Variants in AK9 observed in about 807,000 individuals in gnomAD.
AK9 encodes the protein adenylate kinase 9.
AK9 carries 191 observed loss-of-function variants against 239.6 expected under a neutral mutation model. That is an observed-to-expected ratio of 0.80 (90% confidence interval 0.71 to 0.90). The LOEUF (loss-of-function observed/expected upper bound fraction) is 0.90, where lower values mean the gene tolerates loss of function less well. Ranked by LOEUF, AK9 falls within the 40% of genes least tolerant of loss-of-function variation. The pLI, the probability that AK9 is intolerant of heterozygous loss-of-function variation, is 0.00. For synonymous variants in AK9, 689 were observed against 721.0 expected (o/e 0.96, Z 0.71); for missense variants, 1,995 against 2,214.7 (o/e 0.90, Z 1.99).
chr6:109,614,406 G>A lies in AK9; in HGVS notation c.1474C>T (p.His492Tyr). 2 of 1,551,158 alleles carry A rather than the reference G, an allele frequency of 1.3e-6. No homozygotes were observed. Among genetic ancestry groups the A allele is most frequent in the Admixed American group, 2.0e-5 (1 of 50,974 alleles). Residue 492 changes from histidine to tyrosine, a missense_variant, in exon 14 of 41, where the codon CAC (histidine) becomes TAC (tyrosine). His to Tyr is a moderately conservative substitution (Grantham distance 83). Transcript: ENST00000424296. ...EFGVFPMEATHSSIDEEGYIQ... is the reference protein window; with the variant it reads ...EFGVFPMEATYSSIDEEGYIQ... Reference sequence around the variant, plus strand: ...TTACCTTCTTCATCAATTGATGAGTGTGTTGCCTCCATTGGGAATACTCCA... The same window carrying A: ...TTACCTTCTTCATCAATTGATGAGTATGTTGCCTCCATTGGGAATACTCCA...
At chr6:109,495,541 T>A (rs1776948130) in intron 38 of AK9, 101 bp from the exon 39 acceptor site, 1 of 777,334 alleles carries the variant, frequency 1.3e-6, no homozygotes, top group Non-Finnish European at 1.9e-6. Context: ...TCACTACTTT[T>A]TCTGCACTGG....
At chr6:109,579,213 G>A in intron 20 of AK9, 1 of 186,032 alleles carries the variant, frequency 5.4e-6, no homozygotes, top group Non-Finnish European at 1.1e-5. Flanking sequence ...AATTCCAACA[G>A]CTGTGTGTCA....
At chr6:109,510,355 T>C (rs944973152) in intron 32 of AK9, among the ~76,000 whole-genome samples, 3 of 152,054 alleles carry the variant, frequency 2.0e-5, no homozygotes, top group African/African-American at 7.2e-5. Flanking sequence ...GTACCCTCTC[T>C]GTTGATAGCT....
intron 17 of AK9, among the ~76,000 whole-genome samples, chr6:109,608,846 A>G (rs767258481): frequency 2.0e-5 from 3 of 152,326 alleles, no homozygotes; most frequent in East Asian, 1.9e-4. Flanking sequence ...CAAAAAAGAA[A>G]CAATCCAATT....
intron 21 of AK9, among the ~76,000 whole-genome samples, chr6:109,568,135 A>G (rs1786857759): frequency 6.6e-6 from 1 of 152,184 alleles, no homozygotes; most frequent in Admixed American, 6.5e-5. Flanking sequence ...TACACAAATC[A>G]ATAAACGTAA....
rs547476067 is a variant in AK9, at chr6:109,637,607, C to A, written c.933+3911G>T. Among the ~76,000 whole-genome samples the A allele has an allele frequency of 3.3e-5, 5 of 152,242 alleles. No homozygotes were observed. In the East Asian group the frequency reaches 7.7e-4, roughly 23 times the overall value. On this transcript the variant is annotated intron_variant, in intron 10 of 40. Coordinates refer to ENST00000424296, the MANE Select transcript of AK9 (RefSeq NM_001145128.3). The stretch of plus-strand genomic sequence containing the variant: ...TGTTTTGTTTCACTTAATGACAGAG[C>A]CCTACCCTAGAAATTCTGTTTTAAC...
intron 8 of AK9, among the ~76,000 whole-genome samples, chr6:109,654,881 C>T (rs1424875087): frequency 6.6e-6 from 1 of 152,154 alleles, no homozygotes; most frequent in South Asian, 2.1e-4. Flanking sequence ...ACACACTGAA[C>T]TTTAGTGGTC....
chr6:109,560,863 T>A (rs1785666088), intron 24 of AK9, among the ~76,000 whole-genome samples: 1 of 152,234 alleles, frequency 6.6e-6, no homozygotes, highest in Non-Finnish European at 1.5e-5. Flanking sequence ...TTCTTCAAGA[T>A]TTGGCAGAAT....
intron 26 of AK9, among the ~76,000 whole-genome samples, chr6:109,543,167 G>C (rs1783107605): frequency 6.6e-6 from 1 of 152,090 alleles, no homozygotes; most frequent in South Asian, 2.1e-4. Context: ...GATCACCCTT[G>C]AATGGATAGT....
At chr6:109,520,595 C>T (rs549791582) in intron 29 of AK9, among the ~76,000 whole-genome samples, 2 of 151,960 alleles carry the variant, frequency 1.3e-5, no homozygotes, top group South Asian at 4.1e-4. Flanking sequence ...CTATTTGGGG[C>T]TTCTGTTTTG....
intron 12 of AK9, among the ~76,000 whole-genome samples, chr6:109,620,118 C>T (rs9986507): frequency 0.59 from 89,811 of 151,942 alleles, 28,002 homozygotes; most frequent in South Asian, 0.84. Flanking sequence ...GTGATGAACA[C>T]TTGTACAGAA....
In AK9 at chr6:109,596,814, G is replaced by T. The variant is rs143191025; in HGVS notation, c.1843-10742C>A. ...AGCTGCGATAAATATATGAGTGCAG[G>T]TATCTTTTTGATATAGTGATTTCTT... On this transcript the variant is annotated intron_variant, in intron 17 of 40. Transcript: ENST00000424296. Among the ~76,000 whole-genome samples the T allele has an allele frequency of 2.0e-3, 301 of 152,278 alleles. 1 individual carries two copies. Among genetic ancestry groups the T allele is most frequent in the African/African-American group, 6.9e-3 (285 of 41,564 alleles).
At chr6:109,650,137 A>G (rs1441205249) in intron 8 of AK9, among the ~76,000 whole-genome samples, 1 of 152,236 alleles carries the variant, frequency 6.6e-6, no homozygotes, top group Non-Finnish European at 1.5e-5. Flanking sequence ...AAAACCTAGA[A>G]GAAAACCTAG....
intron 20 of AK9, among the ~76,000 whole-genome samples, chr6:109,578,435 T>C (rs1788404476): frequency 6.6e-6 from 1 of 152,212 alleles, no homozygotes; most frequent in South Asian, 2.1e-4. Flanking sequence ...ATCTCACTAA[T>C]GATCTATCAA....
chr6:109,605,924 G>A (rs564401784), intron 17 of AK9, among the ~76,000 whole-genome samples: 1 of 152,234 alleles, frequency 6.6e-6, no homozygotes, highest in African/African-American at 2.4e-5. Flanking sequence ...GCCAGGCAGA[G>A]GGGTGAGAAG....
chr6:109,660,362 T>G (rs1800264413), intron 6 of AK9, among the ~76,000 whole-genome samples: 2 of 152,288 alleles, frequency 1.3e-5, no homozygotes, highest in South Asian at 4.1e-4. Context: ...CCTCTTGTCA[T>G]TTATTAAGTT....
intron 29 of AK9, among the ~76,000 whole-genome samples, chr6:109,525,459 T>C (rs1780366897): frequency 6.6e-6 from 1 of 151,762 alleles, no homozygotes; most frequent in Non-Finnish European, 1.5e-5. Context: ...CTTAAACAAA[T>C]CAACAAGCCC....
At chr6:109,588,540 T>C (rs527360754) in intron 17 of AK9, among the ~76,000 whole-genome samples, 2 of 152,354 alleles carry the variant, frequency 1.3e-5, no homozygotes, top group African/African-American at 4.8e-5. Context: ...TTCCATTACA[T>C]AGATTCTCTG....
intron 8 of AK9, among the ~76,000 whole-genome samples, chr6:109,651,048 A>G (rs987260918): frequency 6.6e-6 from 1 of 151,606 alleles, no homozygotes; most frequent in Non-Finnish European, 1.5e-5. Context: ...ACATGGACAC[A>G]GGAATGGGAA....
Sources: gnomAD v4.1 joint callset for allele counts (sites outside exome capture counted in the v4.1 genomes callset) on GRCh38, gnomAD v4.1.1 for gene constraint, MANE v1.5 for transcripts, NCBI Gene and HGNC (gene_info 2026-07-23, HGNC 2026-07-21) for gene names.